Variants in PRMT8 observed in about 807,000 individuals in gnomAD.
PRMT8 encodes the protein protein arginine methyltransferase 8.
In PRMT8, 7 loss-of-function variants were observed where a neutral mutation model predicts 47.1. The ratio of observed to expected loss-of-function variants is 0.15; its 90% CI spans 0.08 to 0.28. The LOEUF (loss-of-function observed/expected upper bound fraction) is 0.28, where lower values mean the gene tolerates loss of function less well. Among genes scored for constraint, PRMT8 ranks in the 10% least tolerant of loss-of-function variants. The probability of loss-of-function intolerance (pLI) is 1.00; values close to 1 mark genes in which losing one functional copy is unlikely to be tolerated. For missense variants in PRMT8, 237 were observed against 505.4 expected (o/e 0.47, Z 5.09); for synonymous variants, 188 against 186.5 (o/e 1.01, Z -0.07).
intron 8 of PRMT8, among the ~76,000 whole-genome samples, chr12:3,587,859 C>T (rs1020240486): frequency 1.3e-5 from 2 of 152,228 alleles, no homozygotes; most frequent in African/African-American, 4.8e-5. Context: ...AAAATGATCC[C>T]TTCTAATGAC....
intron 1 of PRMT8, among the ~76,000 whole-genome samples, chr12:3,451,671 C>T (rs763587328): frequency 3.9e-5 from 6 of 152,220 alleles, no homozygotes; most frequent in African/African-American, 9.6e-5. Context: ...GTTGGTTAGC[C>T]GAGAGAGCTA....
chr12:3,492,295 A>G lies in PRMT8; in HGVS notation c.75+595A>G, dbSNP rs1259098565. Reference sequence around the variant, plus strand: ...AGACCCTCCGGCCCAGATCTGGGCCAGAGAGAAGTCTGCAATCCTCAGATA... The same window carrying G: ...AGACCCTCCGGCCCAGATCTGGGCCGGAGAGAAGTCTGCAATCCTCAGATA... On this transcript the variant is annotated intron_variant, in intron 1 of 9. Transcript: ENST00000382622. This position sits in a 1 kb window ranked among gnomAD's most constrained non-coding sequence, Gnocchi z 7.5. Among the ~76,000 whole-genome samples the G allele has an allele frequency of 2.0e-5, 3 of 151,768 alleles. No individual in the cohort carries two copies. The highest frequency in any genetic ancestry group is 4.4e-5 in the Non-Finnish European group (3 of 67,900).
At chr12:3,584,981 C>CAAA (rs1441277997) in intron 8 of PRMT8, among the ~76,000 whole-genome samples, 1 of 152,156 alleles carries the variant, frequency 6.6e-6, no homozygotes, top group African/African-American at 2.4e-5. Context: ...CACAGAGATA[C>CAAA]CTAGCTTCTT....
chr12:3,427,655 T>C (rs1184552187), intron 1 of PRMT8, among the ~76,000 whole-genome samples: 1 of 152,116 alleles, frequency 6.6e-6, no homozygotes, highest in Non-Finnish European at 1.5e-5. Flanking sequence ...TTATATAACA[T>C]TTCTTGCATA....
intron 1 of PRMT8, among the ~76,000 whole-genome samples, chr12:3,445,719 G>A (rs941095608): frequency 6.6e-6 from 1 of 152,150 alleles, no homozygotes; most frequent in East Asian, 1.9e-4. Flanking sequence ...AAATATTTCC[G>A]ACGCTGGAGA....
intron 3 of PRMT8, chr12:3,553,012 G>A (rs952370909): frequency 3.3e-6 from 1 of 298,720 alleles, no homozygotes; most frequent in Non-Finnish European, 6.7e-6. Flanking sequence ...CTGCTCTCAG[G>A]GAAGGTCCAC....
At chr12:3,391,700 C>A (rs1483721696) in intron 1 of PRMT8, among the ~76,000 whole-genome samples, 1 of 152,172 alleles carries the variant, frequency 6.6e-6, no homozygotes, top group Non-Finnish European at 1.5e-5. Flanking sequence ...CTGTCTCCCC[C>A]TCTAGTCTGT....
chr12:3,540,384 T>C (rs1247242603), intron 1 of PRMT8, among the ~76,000 whole-genome samples: 1 of 152,182 alleles, frequency 6.6e-6, no homozygotes, highest in African/African-American at 2.4e-5. Context: ...GGGTGAAATC[T>C]AGGTGTGTGT....
In PRMT8 at chr12:3,399,126, C is replaced by T. The variant is rs116574259; in HGVS notation, c.48+17684C>T. On this transcript the variant is annotated intron_variant, in intron 1 of 9. Transcript: ENST00000452611. ...GAAAGGGCTCGTTGGCTCTCCCCACCATACTTCTGTTGCTTCATTGTGGAG... is the reference window on the plus strand; with the variant it reads ...GAAAGGGCTCGTTGGCTCTCCCCACTATACTTCTGTTGCTTCATTGTGGAG... Among the ~76,000 whole-genome samples, 344 of 152,298 alleles carry T rather than the reference C, an allele frequency of 2.3e-3. 3 individuals are homozygous for T. Among genetic ancestry groups the T allele is most frequent in the African/African-American group, 8.0e-3 (333 of 41,548 alleles).
chr12:3,550,107 C>G lies in PRMT8; in HGVS notation c.417+16C>G. 6.2e-7 allele frequency: 1 copy of G among 1,612,204 alleles called. No homozygotes were observed. Among genetic ancestry groups the G allele is most frequent in the African/African-American group, 1.3e-5 (1 of 75,016 alleles). On this transcript the variant is annotated intron_variant, in intron 3 of 9. Transcript: ENST00000382622. This position sits in a 1 kb window ranked among gnomAD's most constrained non-coding sequence, Gnocchi z 5.1. ...GGTGTTTGGGGTGAGCACGCCGCTT[C>G]CTCCTGCATGCTGGCTTCCACAGAG...
intron 1 of PRMT8, among the ~76,000 whole-genome samples, chr12:3,459,177 G>A (rs1238651643): frequency 6.6e-6 from 1 of 152,112 alleles, no homozygotes; most frequent in Admixed American, 6.5e-5. Flanking sequence ...AGAAAAATCA[G>A]AACTTCTGGG....
At chr12:3,423,850 G>A (rs1033110296) in intron 1 of PRMT8, among the ~76,000 whole-genome samples, 2 of 152,220 alleles carry the variant, frequency 1.3e-5, no homozygotes, top group South Asian at 2.1e-4. Flanking sequence ...TATGGGGTGA[G>A]TGAATTCTTT....
At chr12:3,432,110 G>A (rs574593762) in intron 1 of PRMT8, among the ~76,000 whole-genome samples, 2 of 152,318 alleles carry the variant, frequency 1.3e-5, no homozygotes, top group Non-Finnish European at 2.9e-5. Context: ...TCTCAGAGAA[G>A]GCCCGAGTTG....
intron 1 of PRMT8, among the ~76,000 whole-genome samples, chr12:3,475,200 G>A (rs1865199155): frequency 6.6e-6 from 1 of 152,168 alleles, no homozygotes; most frequent in South Asian, 2.1e-4. Context: ...GAACATCTTG[G>A]GTTGGCTTGG....
At chr12:3,528,423 G>A (rs1211208349) in intron 1 of PRMT8, among the ~76,000 whole-genome samples, 1 of 151,992 alleles carries the variant, frequency 6.6e-6, no homozygotes, top group Non-Finnish European at 1.5e-5. Context: ...CTTCTGTAAT[G>A]TCTAATCTGC....
intron 1 of PRMT8, among the ~76,000 whole-genome samples, chr12:3,398,631 C>T (rs1448359678): frequency 6.6e-6 from 1 of 152,202 alleles, no homozygotes; most frequent in Non-Finnish European, 1.5e-5. Context: ...CTCATCCAAC[C>T]ATCCAGCCCT....
chr12:3,434,419 G>T (rs979083729), intron 1 of PRMT8, among the ~76,000 whole-genome samples: 2 of 152,098 alleles, frequency 1.3e-5, no homozygotes, highest in African/African-American at 4.8e-5. Context: ...ATCTAAAAAA[G>T]GTTTCTGGGC....
At chr12:3,446,648 G>A (rs1346353381) in intron 1 of PRMT8, among the ~76,000 whole-genome samples, 3 of 152,164 alleles carry the variant, frequency 2.0e-5, no homozygotes, top group Non-Finnish European at 4.4e-5. Flanking sequence ...ATCCACCAAT[G>A]CCTGTTGGAA....
chr12:3,412,741 G>A (rs894167040), intron 1 of PRMT8, among the ~76,000 whole-genome samples: 2 of 152,084 alleles, frequency 1.3e-5, no homozygotes, highest in Non-Finnish European at 2.9e-5. Context: ...GTGGGGCCAT[G>A]TGGAGATAAC....
Sources: allele counts gnomAD v4.1 joint callset (sites outside exome capture counted in the v4.1 genomes callset), GRCh38; gene constraint gnomAD v4.1.1; non-coding constraint Gnocchi (gnomAD v3.1); transcripts MANE v1.5; gene names NCBI Gene and HGNC (gene_info 2026-07-23, HGNC 2026-07-21).